DGCR2: variants seen among roughly 807,000 people sequenced by gnomAD.
DGCR2 encodes DiGeorge syndrome critical region gene 2, also known as integral membrane protein DGCR2/IDD.
DGCR2 carries 24 observed loss-of-function variants against 51.6 expected under a neutral mutation model. The ratio of observed to expected loss-of-function variants is 0.47; its 90% CI spans 0.34 to 0.65. DGCR2 has a LOEUF of 0.65. Ranked by LOEUF, DGCR2 falls within the 30% of genes least tolerant of loss-of-function variation. The pLI is 0.01. For missense variants in DGCR2, 765 were observed against 772.1 expected, an observed-to-expected ratio of 0.99 and a Z score of 0.11; for synonymous variants, 340 against 315.4, an observed-to-expected ratio of 1.08 and a Z score of -0.82.
intron 2 of DGCR2, among the ~76,000 whole-genome samples, chr22:19,074,444 T>C (rs937515264): frequency 3.3e-5 from 5 of 149,390 alleles, no homozygotes; most frequent in African/African-American, 1.2e-4. Context: ...AAACACAATG[T>C]TGTGCCAACA....
At position 19,083,973 on chromosome 22, in the gene DGCR2, C is replaced by T. The variant is rs2082975053; in HGVS notation, c.202+5395G>A. Among the ~76,000 whole-genome samples, 2 of 152,182 alleles carry T rather than the reference C, an allele frequency of 1.3e-5. 1 individual carries two copies. The highest frequency in any genetic ancestry group is 4.1e-4 in the South Asian group (2 of 4,836). On this transcript the variant is annotated intron_variant, in intron 2 of 9. Transcript: ENST00000263196. ...CTAACCTTGAGTGATCCGCCAGCCTCGGCCTCCCGAGGTGCCGGGATTGCA... is the reference window on the plus strand; with the variant it reads ...CTAACCTTGAGTGATCCGCCAGCCTTGGCCTCCCGAGGTGCCGGGATTGCA...
chr22:19,099,574 A>C (rs1033183288), intron 1 of DGCR2, among the ~76,000 whole-genome samples: 37 of 152,168 alleles, frequency 2.4e-4, no homozygotes, highest in African/African-American at 8.0e-4. Flanking sequence ...AAAAAACAAA[A>C]CACCACCACC....
intron 1 of DGCR2, among the ~76,000 whole-genome samples, chr22:19,106,743 T>G (rs541446884): frequency 6.6e-6 from 1 of 152,266 alleles, no homozygotes; most frequent in African/African-American, 2.4e-5. Context: ...CCACATCAAG[T>G]TGGCAGCAGC....
At chr22:19,084,777 G>A (rs1208105335) in intron 2 of DGCR2, among the ~76,000 whole-genome samples, 61 of 130,646 alleles carry the variant, frequency 4.7e-4, no homozygotes, top group Non-Finnish European at 7.4e-4. Context: ...GTCAGCCCCC[G>A]CCCGGCCAGC....
At chr22:19,059,889 C>T (rs1052485544) in intron 5 of DGCR2, among the ~76,000 whole-genome samples, 2 of 152,156 alleles carry the variant, frequency 1.3e-5, no homozygotes, top group African/African-American at 2.4e-5. Context: ...GAACCCTCCC[C>T]GGCCCCCGAG....
At chr22:19,063,579 G>C (rs1250311665) in intron 4 of DGCR2, among the ~76,000 whole-genome samples, 1 of 150,028 alleles carries the variant, frequency 6.7e-6, no homozygotes, top group Non-Finnish European at 1.5e-5. Flanking sequence ...TCGATCTCCT[G>C]ACCTCATGAC....
intron 8 of DGCR2, 28 bp downstream of exon 8, chr22:19,041,779 A>G: frequency 6.2e-7 from 1 of 1,604,992 alleles, no homozygotes; most frequent in Non-Finnish European, 8.5e-7. Flanking sequence ...GATGGGGACC[A>G]GGGTTGTGGC....
At chr22:19,052,362 G>A (rs543996956) in intron 6 of DGCR2, among the ~76,000 whole-genome samples, 1 of 151,954 alleles carries the variant, frequency 6.6e-6, no homozygotes, top group East Asian at 1.9e-4. Context: ...GCTGCAGTGA[G>A]CCAAGACTGT....
intron 1 of DGCR2, among the ~76,000 whole-genome samples, chr22:19,103,416 CTTTTTTTTTTTTTTTTT>C (rs55877455): frequency 0.028 from 1,913 of 67,862 alleles, 43 homozygotes; most frequent in Non-Finnish European, 0.031. Context: ...AAAAAAAGTT[CTTTTTTTTTTTTTTTTT>C]TTTTTTTTTT....
intron 1 of DGCR2, among the ~76,000 whole-genome samples, chr22:19,120,705 C>G (rs1241942676): frequency 6.6e-6 from 1 of 152,172 alleles, no homozygotes; most frequent in Admixed American, 6.5e-5. Flanking sequence ...AACTGGGACT[C>G]AAGAATCAGA....
At chr22:19,064,817 C>A (rs755695041) in intron 4 of DGCR2, 31 bp downstream of exon 4, 4 of 1,600,280 alleles carry the variant, frequency 2.5e-6, no homozygotes, top group Non-Finnish European at 3.4e-6. Flanking sequence ...ACTCTGACTC[C>A]AGCCCCTCAG....
chr22:19,074,061 T>A (rs903496506), intron 2 of DGCR2, among the ~76,000 whole-genome samples: 2 of 152,136 alleles, frequency 1.3e-5, no homozygotes, highest in Non-Finnish European at 2.9e-5. Context: ...TTCTAGGTAC[T>A]TAAAAAGAAA....
chr22:19,086,248 A>T (rs2083013607), intron 2 of DGCR2, among the ~76,000 whole-genome samples: 2 of 151,746 alleles, frequency 1.3e-5, no homozygotes, highest in South Asian at 4.1e-4. Context: ...GAGGCCGAGG[A>T]GAGCGGATCA....
chr22:19,116,508 G>C (rs2083374872), intron 1 of DGCR2, among the ~76,000 whole-genome samples: 1 of 152,192 alleles, frequency 6.6e-6, no homozygotes, highest in Admixed American at 6.5e-5. Context: ...TCAATGAACT[G>C]TTGGCCCAAA....
At chr22:19,098,037 G>A (rs1255224149) in intron 1 of DGCR2, among the ~76,000 whole-genome samples, 1 of 152,006 alleles carries the variant, frequency 6.6e-6, no homozygotes, top group African/African-American at 2.4e-5. Flanking sequence ...GGCTAAAATA[G>A]CCCCCACACG....
chr22:19,041,114 G>C lies in DGCR2; in HGVS notation c.1340C>G (p.Pro447Arg). The change falls in exon 9 of 10, where the codon CCT becomes CGT. Residue 447 changes from proline to arginine, a missense_variant. Pro to Arg is a moderately radical substitution (Grantham distance 103, BLOSUM62 -2). Transcript: ENST00000263196. ...KYPDIGQPDD[P>R]PPPYEASIHP... is the part of the protein sequence containing the mutation. The stretch of plus-strand genomic sequence containing the variant: ...GATGGAGGCCTCGTAGGGCGGCGGA[G>C]GGTCGTCGGGCTGGCCGATGTCCGG... 1 of 1,613,596 alleles carries C rather than the reference G, an allele frequency of 6.2e-7. No homozygotes were observed.
chr22:19,071,104 C>T (rs2082809764), intron 2 of DGCR2, among the ~76,000 whole-genome samples: 1 of 152,380 alleles, frequency 6.6e-6, no homozygotes, highest in Admixed American at 6.5e-5. Flanking sequence ...GCCCGAGCAG[C>T]CCTGCCTCAC....
rs2082619817 is a variant in DGCR2, at chr22:19,057,803, C to T, written c.626-641G>A. Among the ~76,000 whole-genome samples the T allele has an allele frequency of 1.3e-5, 2 of 152,116 alleles. No individual in the cohort carries two copies. Among genetic ancestry groups the T allele is most frequent in the East Asian group, 1.9e-4 (1 of 5,162 alleles). On this transcript the variant is annotated intron_variant, in intron 5 of 9. Coordinates refer to ENST00000263196, the MANE Select transcript of DGCR2 (RefSeq NM_005137.3). The surrounding 1 kb of genome is among the most constrained non-coding windows in gnomAD (Gnocchi z 5.1). ...GCAGTCAGAAACCGTGTACCCCTGCCGCAGAGAGCGTGAGGGTTGGGGACT... is the reference window on the plus strand; with the variant it reads ...GCAGTCAGAAACCGTGTACCCCTGCTGCAGAGAGCGTGAGGGTTGGGGACT...
chr22:19,041,908 C>T lies in DGCR2; in HGVS notation c.1058G>A (p.Ser353Asn). Residue 353 changes from serine to asparagine, a missense_variant, in exon 8 of 10, where the codon AGC becomes AAC. Ser to Asn is a conservative substitution (Grantham distance 46, BLOSUM62 1). Around this residue, in one of 3 missense-constraint regions of DGCR2, gnomAD observed 190 missense variants for 265.2 expected, o/e 0.72. Transcript: ENST00000263196. Reference sequence around the variant, plus strand: ...CAGGATGAGGAAGGAGGAGATGCAGCTGACGACCAGGCGCATCCCGCTGGC... The same window carrying T: ...CAGGATGAGGAAGGAGGAGATGCAGTTGACGACCAGGCGCATCCCGCTGGC... ...SMASGMRLVV[S>N]CISSFLILSL... The T allele has an allele frequency of 6.2e-7, 1 of 1,613,698 alleles. No individual in the cohort carries two copies. Among genetic ancestry groups the T allele is most frequent in the East Asian group, 2.2e-5 (1 of 44,870 alleles).
Sources: allele counts gnomAD v4.1 joint callset (sites outside exome capture counted in the v4.1 genomes callset), GRCh38; gene constraint gnomAD v4.1.1; regional missense constraint gnomAD v4.1.1; non-coding constraint Gnocchi (gnomAD v3.1); transcripts MANE v1.5; gene names NCBI Gene and HGNC (gene_info 2026-07-23, HGNC 2026-07-21).